Variants in CNTLN observed in about 807,000 individuals in gnomAD.
The protein encoded by CNTLN is centlein, centrosomal protein.
A neutral mutation model predicts 180.0 loss-of-function variants in CNTLN; 212 were observed. That is an observed-to-expected ratio of 1.18 (90% CI 1.05 to 1.32). The LOEUF (loss-of-function observed/expected upper bound fraction) is 1.32. Among genes scored for constraint, CNTLN ranks in the 40% most tolerant of loss-of-function variants. The pLI, the probability that CNTLN is intolerant of heterozygous loss-of-function variation, is 0.00. For synonymous variants in CNTLN, 722 were observed against 563.1 expected (o/e 1.28, Z -3.99); for missense variants, 2,095 against 1,610.9 (o/e 1.30, Z -5.14).
rs892498939 is a variant in CNTLN, at chr9:17,438,028, T to C, written c.3115-19496T>C. Among the ~76,000 whole-genome samples the C allele has an allele frequency of 2.0e-5, 3 of 152,302 alleles. No homozygotes were observed. The South Asian group carries it at 6.2e-4, about 32-fold the overall frequency. ...ACATCTAGCTGACATAGCAGTTTGT[T>C]GAGAATAGTGAATAATCTGGTTTGG... On this transcript the variant is annotated intron_variant, in intron 18 of 25. Transcript: ENST00000380647.
chr9:17,479,373 C>T (rs1385734964), intron 23 of CNTLN, among the ~76,000 whole-genome samples: 1 of 152,136 alleles, frequency 6.6e-6, no homozygotes, highest in South Asian at 2.1e-4. Flanking sequence ...GAAGGAAATT[C>T]TGCAGTATGC....
intron 25 of CNTLN, among the ~76,000 whole-genome samples, chr9:17,492,067 A>G (rs1326142819): frequency 6.6e-6 from 1 of 152,130 alleles, no homozygotes; most frequent in East Asian, 1.9e-4. Context: ...TCAGTAACCC[A>G]TACAGAATTA....
chr9:17,475,598 C>T (rs569347463), intron 23 of CNTLN, among the ~76,000 whole-genome samples: 1 of 151,972 alleles, frequency 6.6e-6, no homozygotes, highest in Admixed American at 6.5e-5. Context: ...AGGGGCCGGG[C>T]ACAGTGGCTC....
At chr9:17,195,099 A>C (rs1477217891) in intron 2 of CNTLN, among the ~76,000 whole-genome samples, 2 of 152,160 alleles carry the variant, frequency 1.3e-5, no homozygotes, top group Non-Finnish European at 2.9e-5. Context: ...ACACAGCCAA[A>C]CCATATCAGA....
intron 25 of CNTLN, among the ~76,000 whole-genome samples, chr9:17,492,846 C>T (rs1157425253): frequency 3.9e-5 from 6 of 152,040 alleles, no homozygotes; most frequent in African/African-American, 7.2e-5. Flanking sequence ...AAATGCCCAC[C>T]GATGAATGAA....
At chr9:17,312,853 T>C (rs1819298068) in intron 8 of CNTLN, among the ~76,000 whole-genome samples, 1 of 152,194 alleles carries the variant, frequency 6.6e-6, no homozygotes, top group Non-Finnish European at 1.5e-5. Context: ...CACTTGATAG[T>C]ATTCAGATCT....
intron 5 of CNTLN, among the ~76,000 whole-genome samples, chr9:17,245,897 C>T (rs1014172492): frequency 9.2e-5 from 14 of 152,004 alleles, no homozygotes; most frequent in African/African-American, 3.4e-4. Context: ...TTTTTAATAA[C>T]TTCAATTCCT....
At chr9:17,294,114 A>G (rs1427211276) in intron 6 of CNTLN, among the ~76,000 whole-genome samples, 1 of 152,132 alleles carries the variant, frequency 6.6e-6, no homozygotes, top group African/African-American at 2.4e-5. Context: ...CGCTGGCTTC[A>G]GGAGTGAAGC....
chr9:17,210,127 A>G (rs1056357251), intron 2 of CNTLN, among the ~76,000 whole-genome samples: 3 of 152,086 alleles, frequency 2.0e-5, no homozygotes, highest in African/African-American at 7.2e-5. Context: ...GGTTTGTTAC[A>G]TATGTATACA....
chr9:17,335,008 A>G lies in CNTLN; in HGVS notation c.1644+2278A>G, dbSNP rs186131288. On this transcript the variant is annotated intron_variant, in intron 10 of 25. Transcript: ENST00000380647. ...GTTTGAGCCCAAAAACTATAGAACC[A>G]GGAAAGCTGATGGTGTAAGTTCAAG... Among the ~76,000 whole-genome samples the G allele has an allele frequency of 3.3e-5, 5 of 152,234 alleles. No individual in the cohort carries two copies. In the East Asian group the frequency reaches 9.6e-4, roughly 29 times the overall value.
chr9:17,526,973 G>T, the CNTLN span, among the ~76,000 whole-genome samples: 2 of 152,044 alleles, frequency 1.3e-5, no homozygotes, highest in Non-Finnish European at 2.9e-5. Flanking sequence ...CGCCTCCTGG[G>T]TCCAAGTGAT....
At chr9:17,335,158 T>C (rs1454899901) in intron 10 of CNTLN, among the ~76,000 whole-genome samples, 3 of 152,322 alleles carry the variant, frequency 2.0e-5, no homozygotes, top group East Asian at 1.9e-4. Flanking sequence ...TCCATCCATA[T>C]TGGGGTTCAT....
chr9:17,176,463 A>G lies in CNTLN; in HGVS notation c.449+33087A>G, dbSNP rs1368457542. Among the ~76,000 whole-genome samples, 8 of 152,186 alleles carry G rather than the reference A, an allele frequency of 5.3e-5. No homozygotes were observed. The East Asian group carries it at 1.3e-3, about 26-fold the overall frequency. On this transcript the variant is annotated intron_variant, in intron 2 of 25. Coordinates refer to ENST00000380647, the MANE Select transcript of CNTLN (RefSeq NM_017738.4). ...AAATTTCACTTGGTCGTGGAGTACA[A>G]TTATACATTGCTAAATACTATTTGC... is the stretch of plus-strand genomic sequence containing the variant.
chr9:17,275,206 T>C (rs1017547676), intron 6 of CNTLN, among the ~76,000 whole-genome samples: 1 of 152,088 alleles, frequency 6.6e-6, no homozygotes, highest in African/African-American at 2.4e-5. Context: ...GTTTAAAAGT[T>C]TCTGATGCTT....
intron 5 of CNTLN, among the ~76,000 whole-genome samples, chr9:17,254,521 A>T (rs867111106): frequency 1.3e-5 from 2 of 150,062 alleles, no homozygotes; most frequent in Non-Finnish European, 3.0e-5. Context: ...TTGTGAGTAG[A>T]TATCTAGTTT....
intron 2 of CNTLN, among the ~76,000 whole-genome samples, chr9:17,223,260 G>T (rs1030327667): frequency 7.9e-5 from 12 of 152,144 alleles, no homozygotes; most frequent in African/African-American, 2.6e-4. Flanking sequence ...ATCACAGTTG[G>T]CTGCTGGTAA....
At chr9:17,353,437 G>A (rs1021564485) in intron 12 of CNTLN, among the ~76,000 whole-genome samples, 2 of 151,674 alleles carry the variant, frequency 1.3e-5, no homozygotes, top group South Asian at 4.1e-4. Flanking sequence ...AAAATTGTGG[G>A]TTTTGATTTG....
At chr9:17,218,809 G>A (rs543842952) in intron 2 of CNTLN, among the ~76,000 whole-genome samples, 3 of 152,038 alleles carry the variant, frequency 2.0e-5, no homozygotes, top group African/African-American at 7.2e-5. Context: ...ATTTATAGTT[G>A]GATGTTTTTT....
the CNTLN span, among the ~76,000 whole-genome samples, chr9:17,512,559 C>G: frequency 6.6e-6 from 1 of 152,132 alleles, no homozygotes; most frequent in East Asian, 1.9e-4. Flanking sequence ...CTGTTGCATA[C>G]TATGTTCACT....
Sources: allele counts gnomAD v4.1 joint callset (sites outside exome capture counted in the v4.1 genomes callset), GRCh38; gene constraint gnomAD v4.1.1; transcripts MANE v1.5; gene names NCBI Gene and HGNC (gene_info 2026-07-23, HGNC 2026-07-21).